PXDNL: variants seen among roughly 807,000 people sequenced by gnomAD.
PXDNL encodes peroxidasin like.
Under a neutral mutation model 150.8 loss-of-function variants are expected in PXDNL, and 145 were observed. That is an observed-to-expected ratio of 0.96 (90% CI 0.84 to 1.10). The LOEUF (loss-of-function observed/expected upper bound fraction) is 1.10. PXDNL is among the 50% of genes least tolerant of loss of function. The pLI is 0.00. For synonymous variants in PXDNL, 757 were observed against 725.7 expected (o/e 1.04, Z -0.69); for missense variants, 2,087 against 1,873.9 (o/e 1.11, Z -2.10).
At chr8:51,743,015 G>A (rs2036923851) in intron 1 of PXDNL, among the ~76,000 whole-genome samples, 1 of 152,160 alleles carries the variant, frequency 6.6e-6, no homozygotes, top group African/African-American at 2.4e-5. Flanking sequence ...TTCAGTTCCA[G>A]TAAACTATTC....
chr8:51,551,226 T>C (rs956032850), intron 4 of PXDNL, among the ~76,000 whole-genome samples: 1 of 152,136 alleles, frequency 6.6e-6, no homozygotes, highest in Admixed American at 6.5e-5. Context: ...ATGGGTAGAA[T>C]CAGTATTATG....
At chr8:51,379,396 TG>T (rs1483505514) in intron 17 of PXDNL, among the ~76,000 whole-genome samples, 1 of 152,160 alleles carries the variant, frequency 6.6e-6, no homozygotes, top group Admixed American at 6.5e-5. Flanking sequence ...GGGTGTGAAA[TG>T]GTGTTTCATT....
chr8:51,386,109 TG>T (rs1291212966), intron 17 of PXDNL, among the ~76,000 whole-genome samples: 2 of 151,938 alleles, frequency 1.3e-5, no homozygotes, highest in Admixed American at 1.3e-4. Context: ...TTTTTTTTTT[TG>T]ACATAAGACT....
intron 2 of PXDNL, among the ~76,000 whole-genome samples, chr8:51,600,496 A>G (rs1195243619): frequency 7.3e-6 from 1 of 136,652 alleles, no homozygotes; most frequent in Non-Finnish European, 1.5e-5. Context: ...TATATCGTTT[A>G]GATAATAAAT....
intron 1 of PXDNL, among the ~76,000 whole-genome samples, chr8:51,786,853 T>C (rs2037464974): frequency 6.6e-6 from 1 of 152,132 alleles, no homozygotes; most frequent in African/African-American, 2.4e-5. Flanking sequence ...AAGAAAGAAG[T>C]CAATGACTGG....
intron 4 of PXDNL, among the ~76,000 whole-genome samples, chr8:51,533,628 C>T (rs1355465708): frequency 4.0e-5 from 6 of 150,408 alleles, no homozygotes; most frequent in South Asian, 4.2e-4. Flanking sequence ...CGAGTGCCTG[C>T]GGACGCCGCC....
At chr8:51,604,014 A>G (rs1813785175) in intron 2 of PXDNL, among the ~76,000 whole-genome samples, 1 of 152,184 alleles carries the variant, frequency 6.6e-6, no homozygotes, top group African/African-American at 2.4e-5. Context: ...TTTTCATAAT[A>G]CTGTCAACAT....
chr8:51,791,064 G>A lies in PXDNL; in HGVS notation c.164+18117C>T, dbSNP rs555886414. 1.2e-4 allele frequency among the ~76,000 whole-genome samples: 19 copies of A among 152,112 alleles called. No individual in the cohort carries two copies. In the East Asian group the frequency reaches 2.1e-3, roughly 17 times the overall value. ...GGTAAATAAGCACAAAATTATAGGC[G>A]AGGAGACTGACACCAAAGGATTGAA... On this transcript the variant is annotated intron_variant, in intron 1 of 22. Coordinates refer to ENST00000356297, the MANE Select transcript of PXDNL (RefSeq NM_144651.5).
chr8:51,602,034 A>T lies in PXDNL; in HGVS notation c.237-9336T>A, dbSNP rs537129709. 2.1e-4 allele frequency among the ~76,000 whole-genome samples: 32 copies of T among 152,146 alleles called. 1 individual carries two copies. The South Asian group carries it at 6.4e-3, about 31-fold the overall frequency. On this transcript the variant is annotated intron_variant, in intron 2 of 22. Coordinates refer to ENST00000356297, the MANE Select transcript of PXDNL (RefSeq NM_144651.5). ...TGGTTGGAATCTCTTTTCTTTAAGA[A>T]TGATGAAAATAGGCCCCCAAACTCT...
intron 1 of PXDNL, among the ~76,000 whole-genome samples, chr8:51,662,131 T>C (rs573984044): frequency 2.6e-5 from 4 of 152,312 alleles, no homozygotes; most frequent in African/African-American, 4.8e-5. Flanking sequence ...ACAAAGTCCC[T>C]GGGATCAGAA....
chr8:51,581,283 T>A (rs150660220), intron 3 of PXDNL, among the ~76,000 whole-genome samples: 168 of 152,124 alleles, frequency 1.1e-3, no homozygotes, highest in African/African-American at 3.8e-3. Flanking sequence ...GCTCAGGAGT[T>A]CAAGACCAGC....
At chr8:51,346,036 C>T in intron 19 of PXDNL, 89 bp from the exon 20 acceptor site, 4 of 741,012 alleles carry the variant, frequency 5.4e-6, no homozygotes, top group South Asian at 5.2e-5. Flanking sequence ...TCAGAGAGGG[C>T]AAGAGTACCA....
chr8:51,659,398 T>C (rs1815221789), intron 1 of PXDNL, among the ~76,000 whole-genome samples: 1 of 152,204 alleles, frequency 6.6e-6, no homozygotes, highest in African/African-American at 2.4e-5. Flanking sequence ...TTAATGCTCT[T>C]CTGCAGAAGC....
chr8:51,660,633 C>T (rs1815251644), intron 1 of PXDNL, among the ~76,000 whole-genome samples: 1 of 152,136 alleles, frequency 6.6e-6, no homozygotes, highest in South Asian at 2.1e-4. Flanking sequence ...GTACCTGGGC[C>T]AAAAGCATTC....
chr8:51,471,155 A>AG lies in PXDNL; in HGVS notation c.812+1031dup, dbSNP rs80184078. ...ACAAATTTACAAAAAAAAAAAAAAA[A>AG]GCATCAAAAAGTGAGCAAAGGATAT... On this transcript the variant is annotated intron_variant, in intron 8 of 22. Coordinates refer to ENST00000356297, the MANE Select transcript of PXDNL (RefSeq NM_144651.5). Among the ~76,000 whole-genome samples the AG allele has an allele frequency of 7.9e-4, 106 of 135,026 alleles. 2 individuals are homozygous for AG. The East Asian group carries it at 0.016, about 20-fold the overall frequency. 88.6% of individuals were successfully genotyped at this position (135,026 alleles called of 152,430 possible).
intron 13 of PXDNL, among the ~76,000 whole-genome samples, chr8:51,425,157 C>G (rs1252501249): frequency 6.6e-6 from 1 of 152,204 alleles, no homozygotes; most frequent in African/African-American, 2.4e-5. Flanking sequence ...CTGAAATATT[C>G]GCTTGGAGTC....
At chr8:51,613,910 CT>C (rs1814074816) in intron 2 of PXDNL, among the ~76,000 whole-genome samples, 1 of 152,118 alleles carries the variant, frequency 6.6e-6, no homozygotes, top group Admixed American at 6.5e-5. Flanking sequence ...CCAAATTATT[CT>C]ATTTATGTAC....
intron 1 of PXDNL, among the ~76,000 whole-genome samples, chr8:51,774,547 A>T (rs2037331292): frequency 6.6e-6 from 1 of 152,158 alleles, no homozygotes; most frequent in South Asian, 2.1e-4. Context: ...GGCTGAGCAC[A>T]GTGGCTCATG....
intron 3 of PXDNL, among the ~76,000 whole-genome samples, chr8:51,582,506 A>G (rs1295054525): frequency 6.6e-6 from 1 of 152,180 alleles, no homozygotes; most frequent in Admixed American, 6.5e-5. Context: ...GTTGCACACA[A>G]AAACACTTGT....
Sources: allele counts gnomAD v4.1 joint callset (sites outside exome capture counted in the v4.1 genomes callset), GRCh38; gene constraint gnomAD v4.1.1; transcripts MANE v1.5; gene names NCBI Gene and HGNC (gene_info 2026-07-23, HGNC 2026-07-21).